Variants in TMEM232 observed in about 807,000 individuals in gnomAD.
TMEM232 encodes transmembrane protein 232.
TMEM232 carries 80 observed loss-of-function variants against 78.8 expected under a neutral mutation model. That is an observed-to-expected ratio of 1.01 (90% CI 0.85 to 1.22). TMEM232 has a LOEUF of 1.22. TMEM232 is among the 50% of genes most tolerant of loss of function. The probability of loss-of-function intolerance (pLI) is 0.00; values close to 1 mark genes in which losing one functional copy is unlikely to be tolerated. For synonymous variants in TMEM232, 297 were observed against 254.3 expected (o/e 1.17, Z -1.60); for missense variants, 881 against 742.2 (o/e 1.19, Z -2.17).
chr5:110,530,297 T>C (rs1292644884), intron 11 of TMEM232, among the ~76,000 whole-genome samples: 1 of 152,098 alleles, frequency 6.6e-6, no homozygotes, highest in Non-Finnish European at 1.5e-5. Flanking sequence ...TGGGAAAGAA[T>C]AACATGGAAA....
At chr5:110,506,108 T>A (rs1766863807) in intron 12 of TMEM232, among the ~76,000 whole-genome samples, 1 of 152,190 alleles carries the variant, frequency 6.6e-6, no homozygotes, top group African/African-American at 2.4e-5. Context: ...AAGACTGTGA[T>A]AACCACAGTA....
intron 11 of TMEM232, among the ~76,000 whole-genome samples, chr5:110,551,471 C>T (rs2149615039): frequency 6.6e-6 from 1 of 151,678 alleles, no homozygotes; most frequent in Non-Finnish European, 1.5e-5. Flanking sequence ...GATCCACCCG[C>T]CTCAGCCTCC....
At chr5:110,483,233 T>C (rs893209984) in intron 12 of TMEM232, among the ~76,000 whole-genome samples, 2 of 151,964 alleles carry the variant, frequency 1.3e-5, no homozygotes, top group African/African-American at 4.8e-5. Flanking sequence ...TAAATTGGTA[T>C]CAATAAGAAC....
In TMEM232 at chr5:110,650,295, A is replaced by C. The variant is rs545823437; in HGVS notation, c.126-7924T>G. 5.3e-5 allele frequency among the ~76,000 whole-genome samples: 8 copies of C among 152,186 alleles called. No homozygotes were observed. The South Asian group carries it at 1.4e-3, about 28-fold the overall frequency. On this transcript the variant is annotated intron_variant, in intron 2 of 13. Transcript: ENST00000455884. ...CAGAAATCTAAATTTTCTTCTAATAAATTTTTATACTTCTATTTTTAACAT... is the reference window on the plus strand; with the variant it reads ...CAGAAATCTAAATTTTCTTCTAATACATTTTTATACTTCTATTTTTAACAT...
intron 11 of TMEM232, among the ~76,000 whole-genome samples, chr5:110,531,225 C>T (rs1335885954): frequency 1.3e-5 from 2 of 152,190 alleles, no homozygotes; most frequent in Non-Finnish European, 2.9e-5. Flanking sequence ...CCCCATCTCC[C>T]TTCACTGACT....
At chr5:110,605,790 T>A (rs1781476309) in intron 9 of TMEM232, among the ~76,000 whole-genome samples, 1 of 152,064 alleles carries the variant, frequency 6.6e-6, no homozygotes, top group Non-Finnish European at 1.5e-5. Flanking sequence ...AGTCTTTCAC[T>A]TGGTAATTTA....
chr5:110,445,816 C>T (rs117508092), intron 12 of TMEM232, among the ~76,000 whole-genome samples: 1 of 152,236 alleles, frequency 6.6e-6, no homozygotes, highest in East Asian at 1.9e-4. Context: ...AGCTTCTCAT[C>T]AGAGCAGCTC....
At position 110,455,580 on chromosome 5, in the gene TMEM232, G is replaced by A. The variant is rs554353276; in HGVS notation, c.1704-30664C>T. On this transcript the variant is annotated intron_variant, in intron 12 of 13. Transcript: ENST00000455884. ...TTTTTAATAAAGACAGGGTTTCACC[G>A]TGTTAGCCAGGATGGTCTCAATCTC... 1.8e-4 allele frequency among the ~76,000 whole-genome samples: 28 copies of A among 151,860 alleles called. 1 individual carries two copies. Among genetic ancestry groups the A allele is most frequent in the African/African-American group, 2.7e-4 (11 of 41,420 alleles).
intron 12 of TMEM232, among the ~76,000 whole-genome samples, chr5:110,478,723 A>G (rs1195341956): frequency 6.6e-6 from 1 of 151,838 alleles, no homozygotes; most frequent in Non-Finnish European, 1.5e-5. Context: ...TGTTAATATC[A>G]TAAGGCAATG....
At chr5:110,522,232 A>G (rs768371322) in intron 12 of TMEM232, among the ~76,000 whole-genome samples, 17 of 152,082 alleles carry the variant, frequency 1.1e-4, no homozygotes, top group Non-Finnish European at 2.1e-4. Context: ...GCTCACTGTT[A>G]GTGTACAGAT....
chr5:110,691,437 T>G (rs147159575), intron 1 of TMEM232, among the ~76,000 whole-genome samples: 7 of 152,226 alleles, frequency 4.6e-5, no homozygotes, highest in African/African-American at 7.2e-5. Flanking sequence ...TAATTGTCCA[T>G]GAATTCTTGT....
chr5:110,410,415 G>T (rs939838761), intron 2 of TMEM232, among the ~76,000 whole-genome samples: 4 of 151,960 alleles, frequency 2.6e-5, no homozygotes, highest in African/African-American at 7.3e-5. Flanking sequence ...TTCTACAGTG[G>T]GATCAAAATT....
intron 12 of TMEM232, among the ~76,000 whole-genome samples, chr5:110,440,455 C>G (rs1033334689): frequency 6.6e-6 from 1 of 152,050 alleles, no homozygotes; most frequent in Non-Finnish European, 1.5e-5. Context: ...GGTGAATAGA[C>G]AGTACACAAT....
At chr5:110,604,296 C>A (rs1781282704) in intron 10 of TMEM232, among the ~76,000 whole-genome samples, 1 of 152,092 alleles carries the variant, frequency 6.6e-6, no homozygotes, top group East Asian at 1.9e-4. Context: ...TTGGAAAAAT[C>A]AAAATGTTTT....
At chr5:110,690,468 G>A (rs1171710313) in intron 1 of TMEM232, among the ~76,000 whole-genome samples, 3 of 152,116 alleles carry the variant, frequency 2.0e-5, no homozygotes, top group Non-Finnish European at 4.4e-5. Context: ...AAAAAGTCAG[G>A]AAACAATGGA....
intron 12 of TMEM232, among the ~76,000 whole-genome samples, chr5:110,461,929 G>A (rs1418709697): frequency 6.6e-6 from 1 of 152,128 alleles, no homozygotes; most frequent in Non-Finnish European, 1.5e-5. Context: ...CATTGACAAT[G>A]CACCTAGTTA....
intron 1 of TMEM232, among the ~76,000 whole-genome samples, chr5:110,737,626 G>A (rs545085292): frequency 6.6e-6 from 1 of 152,166 alleles, no homozygotes; most frequent in African/African-American, 2.4e-5. Context: ...CTTTTTATAT[G>A]ATATTATCTA....
At chr5:110,686,210 C>A (rs575126478) in intron 1 of TMEM232, among the ~76,000 whole-genome samples, 6 of 152,086 alleles carry the variant, frequency 3.9e-5, no homozygotes, top group African/African-American at 1.4e-4. Context: ...AGTTGACTAA[C>A]AGAATGTGGC....
chr5:110,595,441 A>C (rs1363499709), intron 10 of TMEM232, among the ~76,000 whole-genome samples: 1 of 152,178 alleles, frequency 6.6e-6, no homozygotes, highest in Admixed American at 6.5e-5. Flanking sequence ...AGTTGACAGA[A>C]GTAGGCTTCA....
Sources: gnomAD v4.1 joint callset for allele counts (sites outside exome capture counted in the v4.1 genomes callset) on GRCh38, gnomAD v4.1.1 for gene constraint, MANE v1.5 for transcripts, NCBI Gene and HGNC (gene_info 2026-07-23, HGNC 2026-07-21) for gene names.